The following COG5 variants were observed in gnomAD, a reference collection of about 807,000 sequenced individuals.
COG5 encodes the protein conserved oligomeric Golgi complex subunit 5.
In COG5, 86 loss-of-function variants were observed where a neutral mutation model predicts 110.4. The ratio of observed to expected loss-of-function variants is 0.78; its 90% CI spans 0.65 to 0.93. The LOEUF is 0.93. Ranked by LOEUF, COG5 falls within the 40% of genes least tolerant of loss-of-function variation. The pLI, the probability that COG5 is intolerant of heterozygous loss-of-function variation, is 0.00. For missense variants in COG5, 1,077 were observed against 987.0 expected (o/e 1.09, Z -1.22); for synonymous variants, 360 against 334.6 (o/e 1.08, Z -0.83).
chr7:107,545,197 G>C (rs1393571522), intron 5 of COG5, among the ~76,000 whole-genome samples: 1 of 152,158 alleles, frequency 6.6e-6, no homozygotes, highest in Non-Finnish European at 1.5e-5. Flanking sequence ...AGCAGAGAGA[G>C]AAGAAAGTTT....
At chr7:107,366,879 T>C (rs1184293900) in intron 8 of COG5, among the ~76,000 whole-genome samples, 1 of 152,110 alleles carries the variant, frequency 6.6e-6, no homozygotes, top group Non-Finnish European at 1.5e-5. Context: ...TTCTCTGTTG[T>C]TGAAGCTTTG....
chr7:107,363,557 A>T (rs1002404562), intron 8 of COG5, among the ~76,000 whole-genome samples: 1 of 152,234 alleles, frequency 6.6e-6, no homozygotes, highest in African/African-American at 2.4e-5. Flanking sequence ...ATCAGCTAAT[A>T]AATGCAGAAA....
intron 6 of COG5, among the ~76,000 whole-genome samples, chr7:107,479,843 T>A (rs1193406900): frequency 6.6e-6 from 1 of 152,172 alleles, no homozygotes; most frequent in African/African-American, 2.4e-5. Context: ...ATTGGTTCAT[T>A]CCATTTTTCC....
intron 12 of COG5, among the ~76,000 whole-genome samples, chr7:107,294,881 TTGTGTGTGTGTGTGTGTG>T (rs756358916): frequency 0.21 from 19,721 of 93,958 alleles, 2,363 homozygotes; most frequent in East Asian, 0.32. Flanking sequence ...ATGCCTGGAT[TTGTGTGTGTGTGTGTGTG>T]TGTGTGTGTG....
intron 6 of COG5, among the ~76,000 whole-genome samples, chr7:107,506,533 C>T (rs1799021076): frequency 6.6e-6 from 1 of 152,162 alleles, no homozygotes. Flanking sequence ...TTAACTGTCT[C>T]TGCTGCACAG....
intron 6 of COG5, among the ~76,000 whole-genome samples, chr7:107,514,373 T>C (rs1283312470): frequency 3.4e-5 from 5 of 147,436 alleles, no homozygotes; most frequent in Non-Finnish European, 5.9e-5. Context: ...CACACACATA[T>C]TTTATATTTT....
At chr7:107,442,849 C>G (rs1306106061) in intron 6 of COG5, among the ~76,000 whole-genome samples, 1 of 152,080 alleles carries the variant, frequency 6.6e-6, no homozygotes, top group Non-Finnish European at 1.5e-5. Context: ...GAGATACAGT[C>G]TGGAATCTAC....
intron 6 of COG5, among the ~76,000 whole-genome samples, chr7:107,507,060 C>T (rs949724740): frequency 6.6e-6 from 1 of 152,178 alleles, no homozygotes; most frequent in Non-Finnish European, 1.5e-5. Flanking sequence ...AAATCAGTTC[C>T]AGTGTTGAGT....
chr7:107,323,299 C>T (rs1375063100), intron 11 of COG5, among the ~76,000 whole-genome samples: 6 of 152,096 alleles, frequency 3.9e-5, no homozygotes, highest in East Asian at 1.9e-4. Context: ...GAAGCCAAGG[C>T]GGGCCGATCA....
chr7:107,439,942 G>A (rs1794606855), intron 6 of COG5, among the ~76,000 whole-genome samples: 1 of 152,180 alleles, frequency 6.6e-6, no homozygotes, highest in African/African-American at 2.4e-5. Flanking sequence ...TGAGCCTCTT[G>A]GATCATTGTA....
At chr7:107,416,379 A>G (rs1792847536) in intron 6 of COG5, among the ~76,000 whole-genome samples, 1 of 152,128 alleles carries the variant, frequency 6.6e-6, no homozygotes, top group African/African-American at 2.4e-5. Flanking sequence ...ACATAATGTT[A>G]AGGAACAACT....
intron 14 of COG5, among the ~76,000 whole-genome samples, chr7:107,278,174 A>C (rs1352810865): frequency 6.6e-6 from 1 of 152,162 alleles, no homozygotes; most frequent in African/African-American, 2.4e-5. Flanking sequence ...CTTATCTTTA[A>C]AATTCTAGCT....
chr7:107,364,157 T>C (rs1308877199), intron 8 of COG5, among the ~76,000 whole-genome samples: 1 of 152,188 alleles, frequency 6.6e-6, no homozygotes, highest in Non-Finnish European at 1.5e-5. Context: ...TATGATGTAA[T>C]AGGAAGTACA....
At chr7:107,552,901 C>T (rs1332435901) in intron 3 of COG5, among the ~76,000 whole-genome samples, 2 of 152,046 alleles carry the variant, frequency 1.3e-5, no homozygotes, top group Admixed American at 1.3e-4. Context: ...AAACATGGTA[C>T]ATATATACCA....
At chr7:107,273,078 C>T (rs1273741095) in intron 14 of COG5, among the ~76,000 whole-genome samples, 2 of 152,134 alleles carry the variant, frequency 1.3e-5, no homozygotes, top group African/African-American at 4.8e-5. Flanking sequence ...TTAATCATGC[C>T]TCCCTTCATA....
rs1191066209 is a variant in COG5 at position 107,202,571 on chromosome 7, TTTTA to T, written c.*941_*944del. 4 of 152,534 alleles carry T rather than the reference TTTTA, an allele frequency of 2.6e-5. No individual in the cohort carries two copies. The South Asian group carries it at 6.2e-4, about 24-fold the overall frequency. 9.4% of individuals were successfully genotyped at this position (152,534 alleles called of 1,614,324 possible). On this transcript the variant is annotated 3_prime_UTR_variant, in exon 22 of 22. Transcript: ENST00000297135. The stretch of plus-strand genomic sequence containing the variant: ...GATTGATTGATTAATCTTGGCTGAA[TTTTA>T]TTTATGAGTTCTCAGAATAACAGGT...
intron 11 of COG5, among the ~76,000 whole-genome samples, chr7:107,312,609 G>A (rs1490871290): frequency 6.6e-6 from 1 of 152,182 alleles, no homozygotes; most frequent in African/African-American, 2.4e-5. Flanking sequence ...ATTTGTAAAT[G>A]CTGAGGAGAA....
chr7:107,377,858 C>A (rs1814761946), intron 7 of COG5, among the ~76,000 whole-genome samples: 2 of 152,206 alleles, frequency 1.3e-5, no homozygotes, highest in African/African-American at 4.8e-5. Context: ...GAAGGGGTGG[C>A]TGTGGGCGCA....
chr7:107,511,056 G>C (rs1243712580), intron 6 of COG5, among the ~76,000 whole-genome samples: 1 of 149,062 alleles, frequency 6.7e-6, no homozygotes, highest in African/African-American at 2.5e-5. Flanking sequence ...GAGCAGAACT[G>C]AAGGAAATAG....
Sources: allele counts gnomAD v4.1 joint callset (sites outside exome capture counted in the v4.1 genomes callset), GRCh38; gene constraint gnomAD v4.1.1; transcripts MANE v1.5; gene names NCBI Gene and HGNC (gene_info 2026-07-23, HGNC 2026-07-21).